CPQ: variants seen among roughly 807,000 people sequenced by gnomAD.
The protein encoded by CPQ is carboxypeptidase Q.
CPQ carries 37 observed loss-of-function variants against 45.7 expected under a neutral mutation model. The observed-to-expected ratio is 0.81, with a 90% CI of 0.62 to 1.07. CPQ has a LOEUF of 1.07. CPQ is among the 50% of genes least tolerant of loss of function. The probability of loss-of-function intolerance (pLI) is 0.00; values close to 1 mark genes in which losing one functional copy is unlikely to be tolerated. For missense variants in CPQ, 537 were observed against 572.9 expected, an observed-to-expected ratio of 0.94 and a Z score of 0.64; for synonymous variants, 186 against 205.8, an observed-to-expected ratio of 0.90 and a Z score of 0.82.
chr8:96,842,527 G>A (rs1252463706), intron 3 of CPQ, among the ~76,000 whole-genome samples: 1 of 152,052 alleles, frequency 6.6e-6, no homozygotes, highest in Non-Finnish European at 1.5e-5. Context: ...TGGGGCCACT[G>A]TGCTCCCAAG....
intron 3 of CPQ, among the ~76,000 whole-genome samples, chr8:96,857,743 T>G (rs1811869483): frequency 6.6e-6 from 1 of 152,204 alleles, no homozygotes; most frequent in Non-Finnish European, 1.5e-5. Context: ...CTTGTCCCTG[T>G]GTTCCTCATA....
chr8:96,728,838 G>A (rs1473013472), intron 1 of CPQ, among the ~76,000 whole-genome samples: 2 of 152,112 alleles, frequency 1.3e-5, no homozygotes, highest in South Asian at 2.1e-4. Flanking sequence ...CATACAAGTC[G>A]ATTAGCTTAA....
rs1360570488 is a variant in CPQ at position 97,130,442 on chromosome 8, TC to T, written c.1256-12576del. 2.1e-4 allele frequency among the ~76,000 whole-genome samples: 28 copies of T among 131,944 alleles called. No individual in the cohort carries two copies. In the South Asian group the frequency reaches 2.9e-3, roughly 14 times the overall value. 86.6% of individuals were successfully genotyped at this position (131,944 alleles called of 152,430 possible). On this transcript the variant is annotated intron_variant, in intron 7 of 7. Transcript: ENST00000220763. ...GCTGTTTTTTTTTTTTTTTTTTTTT[TC>T]CACAAAAATGTGTAAATTGCAGTTT...
chr8:96,868,488 A>C (rs1047836673), intron 3 of CPQ, among the ~76,000 whole-genome samples: 1 of 152,020 alleles, frequency 6.6e-6, no homozygotes, highest in Non-Finnish European at 1.5e-5. Context: ...TCAATAACTC[A>C]TATCATATAC....
intron 7 of CPQ, among the ~76,000 whole-genome samples, chr8:97,122,428 CA>C (rs1399002370): frequency 1.3e-5 from 2 of 151,848 alleles, no homozygotes; most frequent in Non-Finnish European, 2.9e-5. Flanking sequence ...CTATAATCAG[CA>C]AAAATATTCC....
intron 3 of CPQ, among the ~76,000 whole-genome samples, chr8:96,840,504 T>C (rs1219204199): frequency 1.3e-5 from 2 of 152,202 alleles, no homozygotes; most frequent in Non-Finnish European, 2.9e-5. Flanking sequence ...CTAATACCCG[T>C]TGTATCAGAA....
chr8:96,868,304 G>A (rs1233574864), intron 3 of CPQ, among the ~76,000 whole-genome samples: 1 of 152,064 alleles, frequency 6.6e-6, no homozygotes, highest in African/African-American at 2.4e-5. Flanking sequence ...CCAATCATTT[G>A]TATCTAGATT....
intron 1 of CPQ, among the ~76,000 whole-genome samples, chr8:96,694,738 C>T (rs1049815216): frequency 6.6e-6 from 1 of 151,852 alleles, no homozygotes; most frequent in African/African-American, 2.4e-5. Context: ...GGAAACACAA[C>T]ATACCAAAAC....
intron 6 of CPQ, among the ~76,000 whole-genome samples, chr8:97,048,407 A>G (rs1296031956): frequency 6.6e-6 from 1 of 152,226 alleles, no homozygotes; most frequent in Admixed American, 6.5e-5. Flanking sequence ...CTGAATTGCA[A>G]AAGAGACATT....
chr8:97,068,496 G>A (rs1354008771), intron 7 of CPQ, among the ~76,000 whole-genome samples: 1 of 152,100 alleles, frequency 6.6e-6, no homozygotes, highest in Non-Finnish European at 1.5e-5. Flanking sequence ...AGCCGGATGT[G>A]GTGGTGCAAG....
At chr8:96,717,024 A>AATATAT (rs58338307) in intron 1 of CPQ, among the ~76,000 whole-genome samples, 128 of 56,504 alleles carry the variant, frequency 2.3e-3, no homozygotes, top group African/African-American at 3.1e-3. Context: ...CCATGATATA[A>AATATAT]ATATATATAT....
At position 96,720,277 on chromosome 8, in the gene CPQ, A is replaced by T. The variant is rs189883758; in HGVS notation, c.-34-64587A>T. On this transcript the variant is annotated intron_variant, in intron 1 of 7. Coordinates refer to ENST00000220763, the MANE Select transcript of CPQ (RefSeq NM_016134.4). ...ATTGGTTTCTATTGATTACTTTTTT[A>T]AAAAAAACTGTGGATCACGTGTTCC... Among the ~76,000 whole-genome samples, 109 of 152,022 alleles carry T rather than the reference A, an allele frequency of 7.2e-4. No individual in the cohort carries two copies. In the East Asian group the frequency reaches 0.011, roughly 15 times the overall value.
At chr8:96,787,057 T>C (rs888630381) in intron 2 of CPQ, among the ~76,000 whole-genome samples, 1 of 152,112 alleles carries the variant, frequency 6.6e-6, no homozygotes, top group African/African-American at 2.4e-5. Flanking sequence ...TTTATTTCTT[T>C]TGTTGCCTGT....
At position 96,974,766 on chromosome 8, in the gene CPQ, T is replaced by A. The variant is rs374406103; in HGVS notation, c.961+8720T>A. 2.0e-5 allele frequency among the ~76,000 whole-genome samples: 3 copies of A among 152,138 alleles called. No individual in the cohort carries two copies. In the South Asian group the frequency reaches 6.2e-4, roughly 31 times the overall value. On this transcript the variant is annotated intron_variant, in intron 5 of 7. Coordinates refer to ENST00000220763, the MANE Select transcript of CPQ (RefSeq NM_016134.4). ...TAAATAATCTGTTCTTGAATGATCATTGGGTCAACAATGAAATCAAGATGG... is the reference window on the plus strand; with the variant it reads ...TAAATAATCTGTTCTTGAATGATCAATGGGTCAACAATGAAATCAAGATGG...
intron 4 of CPQ, among the ~76,000 whole-genome samples, chr8:96,880,488 G>A (rs1190735835): frequency 7.2e-6 from 1 of 139,852 alleles, no homozygotes; most frequent in African/African-American, 2.7e-5. Flanking sequence ...GCCCATCAAT[G>A]GTGGGCTGGC....
At chr8:96,717,050 T>C (rs867701886) in intron 1 of CPQ, among the ~76,000 whole-genome samples, 5 of 104,688 alleles carry the variant, frequency 4.8e-5, no homozygotes, top group Non-Finnish European at 9.0e-5. Flanking sequence ...TATATATATA[T>C]ATATATATAT....
intron 7 of CPQ, among the ~76,000 whole-genome samples, chr8:97,093,448 A>T (rs968429715): frequency 3.3e-5 from 5 of 152,204 alleles, no homozygotes; most frequent in African/African-American, 1.2e-4. Context: ...GATAAAGAAA[A>T]TACATTCATT....
intron 1 of CPQ, among the ~76,000 whole-genome samples, chr8:96,756,081 T>C (rs552151737): frequency 3.3e-5 from 5 of 152,202 alleles, no homozygotes; most frequent in African/African-American, 1.2e-4. Flanking sequence ...AGATCTTTCA[T>C]TCTTAATTAG....
intron 4 of CPQ, among the ~76,000 whole-genome samples, chr8:96,956,693 TAAGAC>T (rs1813362995): frequency 6.6e-6 from 1 of 152,120 alleles, no homozygotes; most frequent in Non-Finnish European, 1.5e-5. Flanking sequence ...TAATAAAAAA[TAAGAC>T]AAGATTGGGG....
Sources: gnomAD v4.1 joint callset for allele counts (sites outside exome capture counted in the v4.1 genomes callset) on GRCh38, gnomAD v4.1.1 for gene constraint, MANE v1.5 for transcripts, NCBI Gene and HGNC (gene_info 2026-07-23, HGNC 2026-07-21) for gene names.